The following PIGF variants were observed in gnomAD, a reference collection of about 807,000 sequenced individuals.
PIGF encodes the protein phosphatidylinositol glycan anchor biosynthesis class F.
A neutral mutation model predicts 26.0 loss-of-function variants in PIGF; 23 were observed. The ratio of observed to expected loss-of-function variants is 0.88; its 90% CI spans 0.64 to 1.25. The LOEUF (loss-of-function observed/expected upper bound fraction) is 1.25. Ranked by LOEUF, PIGF falls within the 50% of genes most tolerant of loss-of-function variation. PIGF has a pLI of 0.00. For synonymous variants in PIGF, 93 were observed against 92.6 expected, an observed-to-expected ratio of 1.00 and a Z score of -0.03; for missense variants, 278 against 249.9, an observed-to-expected ratio of 1.11 and a Z score of -0.76.
At chr2:46,582,881 C>G (rs1208220045) in intron 5 of PIGF, 1 of 152,500 alleles carries the variant, frequency 6.6e-6, no homozygotes, top group Non-Finnish European at 1.5e-5. Flanking sequence ...CAGGAACTTT[C>G]TCTCTGAATC....
intron 3 of PIGF, 54 bp from the exon 4 acceptor site, chr2:46,612,398 A>T: frequency 1.9e-6 from 1 of 530,076 alleles, no homozygotes; most frequent in Non-Finnish European, 3.3e-6. Context: ...AAACATACAC[A>T]TACATAATCT....
rs368588543 is a variant in PIGF at position 46,601,408 on chromosome 2, G to A, written c.438-8825C>T. Among the ~76,000 whole-genome samples the A allele has an allele frequency of 1.7e-4, 26 of 152,134 alleles. No homozygotes were observed. The East Asian group carries it at 2.1e-3, about 12-fold the overall frequency. ...ACAGGCCATTTTGAGTGCCTACTAC[G>A]TGCCAGACACTGTATCAGACACCTG... On this transcript the variant is annotated intron_variant, in intron 4 of 5. Coordinates refer to ENST00000281382, the MANE Select transcript of PIGF (RefSeq NM_002643.4).
At chr2:46,614,508 A>G (rs1277889054) in intron 2 of PIGF, 1 of 156,434 alleles carries the variant, frequency 6.4e-6, no homozygotes, top group Non-Finnish European at 1.4e-5. Flanking sequence ...TTGTTTAGTC[A>G]AGGAAGGCCA....
intron 4 of PIGF, among the ~76,000 whole-genome samples, chr2:46,594,932 C>T (rs1003679471): frequency 2.0e-5 from 3 of 151,608 alleles, no homozygotes; most frequent in African/African-American, 4.8e-5. Context: ...CTCACTGCAA[C>T]GTCCGCCTCC....
chr2:46,597,141 C>G (rs1039522928), intron 4 of PIGF, among the ~76,000 whole-genome samples: 13 of 152,310 alleles, frequency 8.5e-5, no homozygotes, highest in South Asian at 6.2e-4. Context: ...CCTGCACGAG[C>G]ATCTTGTGAA....
chr2:46,601,790 A>C (rs1670063456), intron 4 of PIGF, among the ~76,000 whole-genome samples: 1 of 151,972 alleles, frequency 6.6e-6, no homozygotes, highest in African/African-American at 2.4e-5. Flanking sequence ...AAAGAGGCCT[A>C]TTATCTTTGT....
chr2:46,606,220 A>G (rs1670216873), intron 4 of PIGF, among the ~76,000 whole-genome samples: 1 of 152,222 alleles, frequency 6.6e-6, no homozygotes. Context: ...ATTCAGTGGA[A>G]AGTCTCCTTA....
At chr2:46,598,216 A>G (rs1029177039) in intron 4 of PIGF, among the ~76,000 whole-genome samples, 2 of 151,696 alleles carry the variant, frequency 1.3e-5, no homozygotes, top group African/African-American at 4.8e-5. Context: ...TTTATGGTAA[A>G]CTTTAAAAAA....
Position 46,615,199 on chromosome 2 carries a change from AG to A in PIGF, c.-21-15del. On this transcript the variant is annotated splice_polypyrimidine_tract_variant and intron_variant, in intron 1 of 5. Coordinates refer to ENST00000281382, the MANE Select transcript of PIGF (RefSeq NM_002643.4). Reference sequence around the variant, plus strand: ...TTGGATGGCTAGCTAACAAAAAACAAGAAAAGAAGAGCATATGCAATAACGA... The same window carrying A: ...TTGGATGGCTAGCTAACAAAAAACAAAAAAGAAGAGCATATGCAATAACGA... 9.8e-7 allele frequency: 1 copy of A among 1,019,020 alleles called. No individual in the cohort carries two copies. Among genetic ancestry groups the A allele is most frequent in the Non-Finnish European group, 1.5e-6 (1 of 650,492 alleles). The allele number at this position is 1,019,020 out of a possible 1,614,324, so 63.1% of individuals were successfully genotyped here. A position where few individuals can be genotyped will look rare whatever the true frequency, so the allele number is the denominator to read the frequency against.
Position 46,588,303 on chromosome 2 carries a change from AAAAAT to A in PIGF, c.546+4167_546+4171del, listed in dbSNP as rs1669639830. On this transcript the variant is annotated intron_variant, in intron 5 of 5. Coordinates refer to ENST00000281382, the MANE Select transcript of PIGF (RefSeq NM_002643.4). The surrounding 1 kb of genome is among the most constrained non-coding windows in gnomAD (Gnocchi z 4.1). ...ACCAACTGAAAGACTGCTGGGCAGA[AAAAAT>A]AAAACAACAAACTGAGACAATTAAC... The A allele has an allele frequency of 2.4e-6, 3 of 1,245,010 alleles. No homozygotes were observed. The highest frequency in any genetic ancestry group is 1.5e-5 in the African/African-American group (1 of 65,012). The allele number at this position is 1,245,010 out of a possible 1,614,324, so 77.1% of individuals were successfully genotyped here.
intron 5 of PIGF, chr2:46,582,383 G>C (rs1252285630): frequency 6.6e-6 from 1 of 152,052 alleles, no homozygotes; most frequent in African/African-American, 2.4e-5. Flanking sequence ...GGGGGAACAG[G>C]CCACAGAACT....
chr2:46,597,809 T>C (rs1358817322), intron 4 of PIGF, among the ~76,000 whole-genome samples: 2 of 152,242 alleles, frequency 1.3e-5, no homozygotes, highest in Non-Finnish European at 2.9e-5. Context: ...AGGTATCATG[T>C]TTCTCTCATT....
chr2:46,612,348 GA>G lies in PIGF; in HGVS notation c.321-5del, dbSNP rs747809849. On this transcript the variant is annotated splice_polypyrimidine_tract_variant and splice_region_variant and intron_variant, in intron 3 of 5. Coordinates refer to ENST00000281382, the MANE Select transcript of PIGF (RefSeq NM_002643.4). ...TAAAAATGTTTCCAATGCCAACCTA[GA>G]AAAAAAAAAAGATTACTTTTTAAAA... The G allele has an allele frequency of 0.021, 17,270 of 805,170 alleles. 180 individuals are homozygous for G. Among genetic ancestry groups the G allele is most frequent in the African/African-American group, 0.096 (4,919 of 51,276 alleles). 49.9% of individuals were successfully genotyped at this position (805,170 alleles called of 1,614,324 possible).
Position 46,581,269 on chromosome 2 carries a change from G to C in PIGF, c.*209C>G, listed in dbSNP as rs1435719549. 1 of 941,650 alleles carries C rather than the reference G, an allele frequency of 1.1e-6. No homozygotes were observed. The highest frequency in any genetic ancestry group is 1.6e-6 in the Non-Finnish European group (1 of 640,762). The allele number at this position is 941,650 out of a possible 1,614,324, so 58.3% of individuals were successfully genotyped here. ...TTAAAGGTTTAAGAAGCAGTAAGCA[G>C]CATCTGAAGCCACAATCTATTATAA... On this transcript the variant is annotated 3_prime_UTR_variant, in exon 6 of 6. Coordinates refer to ENST00000281382, the MANE Select transcript of PIGF (RefSeq NM_002643.4).
At chr2:46,591,598 T>C (rs763441190) in intron 5 of PIGF, 50 of 951,324 alleles carry the variant, frequency 5.3e-5, no homozygotes, top group Non-Finnish European at 6.3e-5. Context: ...GCAGTGTTTA[T>C]TATCACAAAA....
At chr2:46,607,517 T>G (rs1670262009) in intron 4 of PIGF, among the ~76,000 whole-genome samples, 1 of 152,212 alleles carries the variant, frequency 6.6e-6, no homozygotes, top group African/African-American at 2.4e-5. Context: ...GTCTATTAAG[T>G]GGGCAATAGC....
At chr2:46,587,143 T>C (rs1323199566) in intron 5 of PIGF, among the ~76,000 whole-genome samples, 3 of 152,254 alleles carry the variant, frequency 2.0e-5, no homozygotes, top group Admixed American at 2.0e-4. Context: ...CACATTTTTC[T>C]CATGCTTGAA....
chr2:46,594,735 C>T (rs1438376143), intron 4 of PIGF, among the ~76,000 whole-genome samples: 1 of 151,794 alleles, frequency 6.6e-6, no homozygotes, highest in Non-Finnish European at 1.5e-5. Flanking sequence ...GGGGTTTCAC[C>T]ATGTTGGCCA....
chr2:46,591,386 T>C (rs988743706), intron 5 of PIGF: 1 of 307,270 alleles, frequency 3.3e-6, no homozygotes, highest in African/African-American at 2.3e-5. Flanking sequence ...AAGTAATTTT[T>C]ACTTTCTTCC....
Sources: gnomAD v4.1 joint callset for allele counts (sites outside exome capture counted in the v4.1 genomes callset) on GRCh38, gnomAD v4.1.1 for gene constraint, Gnocchi (gnomAD v3.1) non-coding constraint, MANE v1.5 for transcripts, NCBI Gene and HGNC (gene_info 2026-07-23, HGNC 2026-07-21) for gene names.